Variants in ATP8A1 observed in about 807,000 individuals in gnomAD.
ATP8A1 encodes the protein ATPase phospholipid transporting 8A1, also known as phospholipid-transporting ATPase IA.
ATP8A1 carries 90 observed loss-of-function variants against 177.7 expected under a neutral mutation model. That is an observed-to-expected ratio of 0.51 (90% CI 0.43 to 0.60). ATP8A1 has a LOEUF of 0.60. Ranked by LOEUF, ATP8A1 falls within the 20% of genes least tolerant of loss-of-function variation. The pLI is 0.00. For missense variants in ATP8A1, 1,072 were observed against 1,392.8 expected, an observed-to-expected ratio of 0.77 and a Z score of 3.67; for synonymous variants, 493 against 485.9, an observed-to-expected ratio of 1.01 and a Z score of -0.19.
At position 42,534,045 on chromosome 4, in the gene ATP8A1, C is replaced by T. The variant is rs573190071; in HGVS notation, c.1723-9198G>A. Among the ~76,000 whole-genome samples the T allele has an allele frequency of 2.6e-5, 4 of 152,226 alleles. No homozygotes were observed. In the South Asian group the frequency reaches 8.3e-4, roughly 32 times the overall value. On this transcript the variant is annotated intron_variant, in intron 20 of 36. Coordinates refer to ENST00000381668, the MANE Select transcript of ATP8A1 (RefSeq NM_006095.2). Reference sequence around the variant, plus strand: ...CAGTTGCCCTTGAGCCCCAGATCTTCCCTCTGACATAGTCTACCCAAATGA... The same window carrying T: ...CAGTTGCCCTTGAGCCCCAGATCTTTCCTCTGACATAGTCTACCCAAATGA...
At position 42,478,891 on chromosome 4, in the gene ATP8A1, G is replaced by A. The variant is rs557100149; in HGVS notation, c.2324+6605C>T. Among the ~76,000 whole-genome samples, 5 of 152,270 alleles carry A rather than the reference G, an allele frequency of 3.3e-5. No homozygotes were observed. The South Asian group carries it at 1.0e-3, about 32-fold the overall frequency. On this transcript the variant is annotated intron_variant, in intron 25 of 36. Transcript: ENST00000381668. ...AATGGAGCCACCAGATTGTGCAGCT[G>A]GCACCATAAAAAGAATGTCCATTTT...
intron 22 of ATP8A1, among the ~76,000 whole-genome samples, chr4:42,517,981 T>G (rs1725731053): frequency 6.6e-6 from 1 of 152,206 alleles, no homozygotes; most frequent in East Asian, 1.9e-4. Context: ...GTGTGCTGGG[T>G]AGTAACATAC....
At position 42,439,316 on chromosome 4, in the gene ATP8A1, T is replaced by C. The variant is rs142291685; in HGVS notation, c.3123+4249A>G. On this transcript the variant is annotated intron_variant, in intron 33 of 36. Coordinates refer to ENST00000381668, the MANE Select transcript of ATP8A1 (RefSeq NM_006095.2). ...CACAGTGGCTGGGAGCTCATCTGCCTGGCCTGGGAAGGATTAGTTAAATGA... is the reference window on the plus strand; with the variant it reads ...CACAGTGGCTGGGAGCTCATCTGCCCGGCCTGGGAAGGATTAGTTAAATGA... 1.8e-4 allele frequency among the ~76,000 whole-genome samples: 28 copies of C among 152,328 alleles called. No individual in the cohort carries two copies. In the East Asian group the frequency reaches 4.4e-3, roughly 24 times the overall value.
At chr4:42,507,799 A>AG (rs1560402922) in intron 22 of ATP8A1, among the ~76,000 whole-genome samples, 1 of 118,902 alleles carries the variant, frequency 8.4e-6, no homozygotes, top group South Asian at 3.5e-4. Flanking sequence ...AAAAAAAAAA[A>AG]AAAAAAAAAA....
At chr4:42,417,551 G>T (rs748071930) in intron 35 of ATP8A1, among the ~76,000 whole-genome samples, 6 of 152,106 alleles carry the variant, frequency 3.9e-5, no homozygotes, top group Non-Finnish European at 8.8e-5. Flanking sequence ...TTTGGTGGAG[G>T]TGAATATAAA....
chr4:42,529,184 G>A (rs1242280996), intron 20 of ATP8A1, among the ~76,000 whole-genome samples: 1 of 152,216 alleles, frequency 6.6e-6, no homozygotes, highest in African/African-American at 2.4e-5. Flanking sequence ...ATATGACCTA[G>A]CAGATTCAAT....
chr4:42,547,263 G>A (rs535224477), intron 19 of ATP8A1, among the ~76,000 whole-genome samples: 3 of 152,130 alleles, frequency 2.0e-5, no homozygotes, highest in African/African-American at 4.8e-5. Context: ...TCCTCGTTTC[G>A]CCTTCTACTG....
chr4:42,647,942 T>C (rs1239784898), intron 1 of ATP8A1, among the ~76,000 whole-genome samples: 1 of 152,140 alleles, frequency 6.6e-6, no homozygotes. Flanking sequence ...TCTTATTAAT[T>C]TAAAACCTCA....
chr4:42,497,340 G>T (rs1723383674), intron 24 of ATP8A1, among the ~76,000 whole-genome samples: 1 of 152,198 alleles, frequency 6.6e-6, no homozygotes, highest in Admixed American at 6.5e-5. Context: ...TTTTATGCGT[G>T]TGCTGACTCA....
intron 15 of ATP8A1, among the ~76,000 whole-genome samples, chr4:42,560,506 CTT>C (rs1730707853): frequency 6.6e-6 from 1 of 151,964 alleles, no homozygotes; most frequent in African/African-American, 2.4e-5. Context: ...AGCAGGATAA[CTT>C]TAAAATAACA....
At chr4:42,622,731 T>C (rs11728847) in intron 4 of ATP8A1, among the ~76,000 whole-genome samples, 34,387 of 152,082 alleles carry the variant, frequency 0.23, 4,345 homozygotes, top group Non-Finnish European at 0.29. Context: ...GGAAAAGGGC[T>C]GGGTGCAGTG....
chr4:42,634,420 T>C (rs543406327), intron 1 of ATP8A1, among the ~76,000 whole-genome samples: 46 of 152,360 alleles, frequency 3.0e-4, no homozygotes, highest in Middle Eastern at 3.4e-3. Flanking sequence ...TATTGTAGGA[T>C]TGTAAATACA....
In ATP8A1 at chr4:42,586,479, G is replaced by A. The variant is rs577661257; in HGVS notation, c.595-3C>T. 6.2e-7 allele frequency: 1 copy of A among 1,612,642 alleles called. No homozygotes were observed. Among genetic ancestry groups the A allele is most frequent in the Admixed American group, 1.7e-5 (1 of 59,694 alleles). ...ATATCTGATGTTGCTGGTAAGCCCT[G>A]TTTGGAATTTTTAAATAAGCAAAAA... On this transcript the variant is annotated splice_polypyrimidine_tract_variant and splice_region_variant and intron_variant, in intron 8 of 36. Transcript: ENST00000381668.
chr4:42,479,881 C>T (rs1721476387), intron 25 of ATP8A1, among the ~76,000 whole-genome samples: 1 of 152,124 alleles, frequency 6.6e-6, no homozygotes, highest in South Asian at 2.1e-4. Context: ...TGCTTGGGTG[C>T]TTGTCACAGG....
intron 33 of ATP8A1, among the ~76,000 whole-genome samples, chr4:42,427,501 T>C (rs968754903): frequency 1.3e-5 from 2 of 152,268 alleles, no homozygotes; most frequent in African/African-American, 4.8e-5. Context: ...GAGAGGTGTA[T>C]GGTGGAATAG....
intron 33 of ATP8A1, among the ~76,000 whole-genome samples, chr4:42,441,582 C>G (rs567385029): frequency 6.6e-6 from 1 of 152,194 alleles, no homozygotes; most frequent in African/African-American, 2.4e-5. Flanking sequence ...TGATTTACCT[C>G]GGAGAATCTG....
chr4:42,569,990 T>C (rs1731747219), intron 14 of ATP8A1, among the ~76,000 whole-genome samples: 1 of 152,210 alleles, frequency 6.6e-6, no homozygotes, highest in Non-Finnish European at 1.5e-5. Flanking sequence ...ATACTTTTCC[T>C]GTAAATTTAT....
intron 25 of ATP8A1, among the ~76,000 whole-genome samples, chr4:42,468,006 G>A (rs1179602571): frequency 6.6e-6 from 1 of 152,042 alleles, no homozygotes; most frequent in Non-Finnish European, 1.5e-5. Flanking sequence ...CTTTAGAAAT[G>A]CAAATCAAAA....
At chr4:42,631,365 G>T (rs1035092071) in intron 1 of ATP8A1, among the ~76,000 whole-genome samples, 14 of 152,198 alleles carry the variant, frequency 9.2e-5, no homozygotes, top group Non-Finnish European at 1.6e-4. Context: ...GTAAATTTAT[G>T]ATGAGAAGTA....
Sources: gnomAD v4.1 joint callset for allele counts (sites outside exome capture counted in the v4.1 genomes callset) on GRCh38, gnomAD v4.1.1 for gene constraint, MANE v1.5 for transcripts, NCBI Gene and HGNC (gene_info 2026-07-23, HGNC 2026-07-21) for gene names.